Variants in SEPTIN11 observed in about 807,000 individuals in gnomAD.
SEPTIN11 encodes the protein septin-11.
Under a neutral mutation model 51.4 loss-of-function variants are expected in SEPTIN11, and 25 were observed. The ratio of observed to expected loss-of-function variants is 0.49; its 90% confidence interval spans 0.35 to 0.68. SEPTIN11 has a LOEUF of 0.68. Ranked by LOEUF, SEPTIN11 falls within the 30% of genes least tolerant of loss-of-function variation. The probability of loss-of-function intolerance (pLI) is 0.00; values close to 1 mark genes in which losing one functional copy is unlikely to be tolerated. For synonymous variants in SEPTIN11, 174 were observed against 184.1 expected (o/e 0.95, Z 0.44); for missense variants, 381 against 520.8 (o/e 0.73, Z 2.61).
chr4:76,971,787 T>TA (rs556359779), intron 1 of SEPTIN11, among the ~76,000 whole-genome samples: 2 of 152,126 alleles, frequency 1.3e-5, no homozygotes, highest in African/African-American at 2.4e-5. Context: ...CACTTTAAAA[T>TA]AAAAAAACTT....
At chr4:77,003,212 C>T (rs1724239929) in intron 2 of SEPTIN11, among the ~76,000 whole-genome samples, 2 of 152,166 alleles carry the variant, frequency 1.3e-5, no homozygotes, top group South Asian at 4.1e-4. Context: ...AATGTGGAGC[C>T]CCAGCTCATA....
intron 1 of SEPTIN11, among the ~76,000 whole-genome samples, chr4:76,983,828 T>G (rs953033541): frequency 6.6e-6 from 1 of 152,032 alleles, no homozygotes; most frequent in Admixed American, 6.6e-5. Flanking sequence ...GCCAACGTGG[T>G]GAAACCCCGT....
intron 1 of SEPTIN11, among the ~76,000 whole-genome samples, chr4:76,986,240 T>C (rs970894446): frequency 1.3e-5 from 2 of 152,056 alleles, no homozygotes; most frequent in Non-Finnish European, 2.9e-5. Context: ...TCTTATACCT[T>C]GAAGTAGACA....
intron 1 of SEPTIN11, among the ~76,000 whole-genome samples, chr4:76,987,551 A>G (rs1723099786): frequency 6.6e-6 from 1 of 152,204 alleles, no homozygotes; most frequent in Non-Finnish European, 1.5e-5. Context: ...TCCCTTTTGC[A>G]TGAGAACTAA....
At chr4:76,989,728 A>G (rs1723251027) in intron 1 of SEPTIN11, among the ~76,000 whole-genome samples, 1 of 152,254 alleles carries the variant, frequency 6.6e-6, no homozygotes, top group African/African-American at 2.4e-5. Flanking sequence ...TTCTATGTTT[A>G]GATATACAAA....
Position 76,989,528 on chromosome 4 carries a change from A to G in SEPTIN11, c.28-6897A>G, listed in dbSNP as rs1578148151. Among the ~76,000 whole-genome samples, 4 of 152,312 alleles carry G rather than the reference A, an allele frequency of 2.6e-5. No homozygotes were observed. In the South Asian group the frequency reaches 8.3e-4, roughly 32 times the overall value. ...ACACTTCATTTTTAAAAGTAAAGAA[A>G]AGGGATATCACTTCAGTTTAAGTAT... is the stretch of plus-strand genomic sequence containing the variant. On this transcript the variant is annotated intron_variant, in intron 1 of 9. Coordinates refer to ENST00000264893, the MANE Select transcript of SEPTIN11 (RefSeq NM_018243.4).
chr4:77,039,829 T>C, downstream of SEPTIN11: 1 of 735,128 alleles, frequency 1.4e-6, no homozygotes, highest in Non-Finnish European at 1.7e-6. Flanking sequence ...ACTTTTTCTG[T>C]TACTTGCATC....
chr4:76,965,784 G>A (rs907426957), intron 1 of SEPTIN11, among the ~76,000 whole-genome samples: 5 of 152,080 alleles, frequency 3.3e-5, no homozygotes, highest in African/African-American at 1.2e-4. Context: ...TCATGACAGA[G>A]TGCAGAATAT....
At chr4:76,974,855 G>T in intron 1 of SEPTIN11, 2 of 456,596 alleles carry the variant, frequency 4.4e-6, no homozygotes, top group South Asian at 1.5e-5. Flanking sequence ...GGGTGTGGTG[G>T]CTCATGCCTG....
chr4:77,032,658 C>G (rs1191534979), intron 9 of SEPTIN11, among the ~76,000 whole-genome samples: 2 of 152,190 alleles, frequency 1.3e-5, no homozygotes, highest in African/African-American at 4.8e-5. Flanking sequence ...AATGCAAAGT[C>G]AAGTTTTTCT....
chr4:77,006,223 C>T (rs1724470597), intron 3 of SEPTIN11, among the ~76,000 whole-genome samples: 1 of 152,154 alleles, frequency 6.6e-6, no homozygotes, highest in Non-Finnish European at 1.5e-5. Flanking sequence ...TCTCTAGAAG[C>T]TCCACCAAAT....
chr4:76,988,214 A>G (rs1027886327), intron 1 of SEPTIN11, among the ~76,000 whole-genome samples: 1 of 152,244 alleles, frequency 6.6e-6, no homozygotes. Flanking sequence ...AAGAATGAGT[A>G]GTTAATCACA....
At chr4:77,006,396 T>C (rs1724479717) in intron 3 of SEPTIN11, among the ~76,000 whole-genome samples, 1 of 152,198 alleles carries the variant, frequency 6.6e-6, no homozygotes, top group Non-Finnish European at 1.5e-5. Flanking sequence ...TTCTTAAAAT[T>C]TCGTGGCATA....
chr4:76,958,068 C>T (rs1246248820), intron 1 of SEPTIN11, among the ~76,000 whole-genome samples: 1 of 152,198 alleles, frequency 6.6e-6, no homozygotes, highest in African/African-American at 2.4e-5. Flanking sequence ...CCTATACCCC[C>T]CACCAATAAA....
In SEPTIN11 at chr4:77,024,599, C is replaced by T. The variant is rs1160802530; in HGVS notation, c.953+3929C>T. Among the ~76,000 whole-genome samples the T allele has an allele frequency of 6.6e-6, 1 of 152,182 alleles. No individual in the cohort carries two copies. Among genetic ancestry groups the T allele is most frequent in the Non-Finnish European group, 1.5e-5 (1 of 68,026 alleles). On this transcript the variant is annotated intron_variant, in intron 7 of 9. Transcript: ENST00000264893. The surrounding 1 kb of genome is among the most constrained non-coding windows in gnomAD (Gnocchi z 4.2). ...TCTCACCTCAGAACACCACCGTCTC[C>T]TTGCTTCACCCCCGTTCAACTCACA... is the stretch of plus-strand genomic sequence containing the variant.
chr4:76,973,923 A>G (rs191581743), intron 1 of SEPTIN11, among the ~76,000 whole-genome samples: 95 of 152,318 alleles, frequency 6.2e-4, no homozygotes, highest in African/African-American at 2.2e-3. Flanking sequence ...TCCTGGCACT[A>G]TTTCAATACA....
chr4:77,022,142 T>G (rs1725762361), intron 7 of SEPTIN11, among the ~76,000 whole-genome samples: 1 of 152,228 alleles, frequency 6.6e-6, no homozygotes, highest in Non-Finnish European at 1.5e-5. Context: ...CTAAACCTGA[T>G]GAAATGGTTT....
Position 77,036,138 on chromosome 4 carries a change from T to C in SEPTIN11, c.*1626T>C, listed in dbSNP as rs936912919. ...GGAATGGTCTTCCATGAACTGATTA[T>C]GCTTAATTAAGCAAAGTAAGGAAAT... On this transcript the variant is annotated 3_prime_UTR_variant, in exon 10 of 10. Transcript: ENST00000264893. 1.0e-6 allele frequency: 1 copy of C among 987,210 alleles called. No individual in the cohort carries two copies. Among genetic ancestry groups the C allele is most frequent in the African/African-American group, 1.7e-5 (1 of 57,276 alleles). The allele number at this position is 987,210 out of a possible 1,614,324, so 61.2% of individuals were successfully genotyped here. A position where few individuals can be genotyped will look rare whatever the true frequency, so the allele number is the denominator to read the frequency against.
At chr4:76,965,376 C>T (rs956224891) in intron 1 of SEPTIN11, among the ~76,000 whole-genome samples, 3 of 149,772 alleles carry the variant, frequency 2.0e-5, no homozygotes, top group South Asian at 2.1e-4. Context: ...ACTTGAACCT[C>T]GGAGGCAGAG....
Sources: gnomAD v4.1 joint callset for allele counts (sites outside exome capture counted in the v4.1 genomes callset) on GRCh38, gnomAD v4.1.1 for gene constraint, Gnocchi (gnomAD v3.1) non-coding constraint, MANE v1.5 for transcripts, NCBI Gene and HGNC (gene_info 2026-07-23, HGNC 2026-07-21) for gene names.